The following REL variants were observed in gnomAD, a reference collection of about 807,000 sequenced individuals.
The protein encoded by REL is REL proto-oncogene, NF-kB subunit, also known as proto-oncogene c-Rel.
Under a neutral mutation model 45.9 loss-of-function variants are expected in REL, and 15 were observed. The ratio of observed to expected loss-of-function variants is 0.33; its 90% CI spans 0.22 to 0.50. The LOEUF is 0.50. Ranked by LOEUF, REL falls within the 20% of genes least tolerant of loss-of-function variation. The probability of loss-of-function intolerance (pLI) is 0.98; values close to 1 mark genes in which losing one functional copy is unlikely to be tolerated. For missense variants in REL, 601 were observed against 715.2 expected (o/e 0.84, Z 1.82); for synonymous variants, 239 against 242.1 (o/e 0.99, Z 0.12).
At chr2:60,906,575 CA>C (rs1673656242) in intron 4 of REL, among the ~76,000 whole-genome samples, 1 of 152,140 alleles carries the variant, frequency 6.6e-6, no homozygotes, top group Admixed American at 6.6e-5. Context: ...TTCTGTACCT[CA>C]GCTTCCTACC....
intron 3 of REL, among the ~76,000 whole-genome samples, chr2:60,898,196 C>CT (rs1673404229): frequency 6.6e-6 from 1 of 152,214 alleles, no homozygotes; most frequent in South Asian, 2.1e-4. Flanking sequence ...TCCAAACCCT[C>CT]TATCTTTCCT....
At chr2:60,897,136 TTA>T (rs1272741486) in intron 3 of REL, among the ~76,000 whole-genome samples, 30 of 152,202 alleles carry the variant, frequency 2.0e-4, no homozygotes, top group South Asian at 8.3e-4. Flanking sequence ...ATTTAATATA[TTA>T]TAGTTATTCT....
Position 60,922,663 on chromosome 2 carries a change from T to C in REL, c.*128T>C, listed in dbSNP as rs2103991048. 1 of 1,313,784 alleles carries C rather than the reference T, an allele frequency of 7.6e-7. No homozygotes were observed. The highest frequency in any genetic ancestry group is 9.7e-7 in the Non-Finnish European group (1 of 1,030,470). 81.4% of individuals were successfully genotyped at this position (1,313,784 alleles called of 1,614,324 possible). The stretch of plus-strand genomic sequence containing the variant: ...ATAATACTGACTGAGAATATAATAC[T>C]GTATTTGAGAATATAAAAAACTTTT... On this transcript the variant is annotated 3_prime_UTR_variant, in exon 10 of 10. Transcript: ENST00000394479.
intron 2 of REL, among the ~76,000 whole-genome samples, chr2:60,893,429 T>C (rs770902330): frequency 6.6e-6 from 1 of 152,180 alleles, no homozygotes; most frequent in African/African-American, 2.4e-5. Flanking sequence ...AAAAAGGAAA[T>C]AAGGAAATAC....
intron 5 of REL, among the ~76,000 whole-genome samples, chr2:60,917,703 T>TGTAC (rs1674017746): frequency 6.7e-6 from 1 of 150,214 alleles, no homozygotes; most frequent in East Asian, 1.9e-4. Context: ...TGTGTGTGTG[T>TGTAC]GTGTGTGTGT....
chr2:60,901,146 TTCTC>T (rs879252170), intron 4 of REL, 63 bp downstream of exon 4: 1 of 1,324,822 alleles, frequency 7.5e-7, no homozygotes, highest in Non-Finnish European at 9.7e-7. Context: ...TCTTTTTTCT[TTCTC>T]TTTTTTTTTT....
At position 60,920,024 on chromosome 2, in the gene REL, G is replaced by A. The variant is rs773318341; in HGVS notation, c.854-17G>A. 1.3e-6 allele frequency: 2 copies of A among 1,559,864 alleles called. No individual in the cohort carries two copies. The highest frequency in any genetic ancestry group is 1.4e-5 in the African/African-American group (1 of 72,718). On this transcript the variant is annotated splice_polypyrimidine_tract_variant and intron_variant, in intron 7 of 9. Coordinates refer to ENST00000394479, the MANE Select transcript of REL (RefSeq NM_001291746.2). Reference sequence around the variant, plus strand: ...CCTATAATTTTTTATCTGCTTTCCTGGTTTCTTTCTAATCAGATACTTACG... The same window carrying A: ...CCTATAATTTTTTATCTGCTTTCCTAGTTTCTTTCTAATCAGATACTTACG...
At chr2:60,917,094 A>T in intron 5 of REL, 77 bp downstream of exon 5, 2 of 1,275,066 alleles carry the variant, frequency 1.6e-6, no homozygotes, top group Non-Finnish European at 1.1e-6. Context: ...TTATTTTGGT[A>T]ATTAGGAAAA....
rs1674370939 is a variant in REL at position 60,930,921 on chromosome 2, G to A, written c.*8386G>A. 6.6e-6 allele frequency: 1 copy of A among 152,312 alleles called. No homozygotes were observed. The highest frequency in any genetic ancestry group is 2.4e-5 in the African/African-American group (1 of 41,446). The allele number at this position is 152,312 out of a possible 1,614,324, so 9.4% of individuals were successfully genotyped here. A position where few individuals can be genotyped will look rare whatever the true frequency, so the allele number is the denominator to read the frequency against. ...TACACAGTAATTAGTACAGCATGTT[G>A]CTTCTTCAACAAATTGAGTTTTCAG... On this transcript the variant is annotated 3_prime_UTR_variant, in exon 10 of 10. Coordinates refer to ENST00000394479, the MANE Select transcript of REL (RefSeq NM_001291746.2).
rs895345770 is a variant in REL, at chr2:60,930,143, A to G, written c.*7608A>G. On this transcript the variant is annotated 3_prime_UTR_variant, in exon 10 of 10. Coordinates refer to ENST00000394479, the MANE Select transcript of REL (RefSeq NM_001291746.2). ...GGGACTTTTTACTCAGGTAATACCC[A>G]GCCTGCTACCTAACAGGTTGTGTTG... is the stretch of plus-strand genomic sequence containing the variant. 3.9e-4 allele frequency: 59 copies of G among 152,322 alleles called. No individual in the cohort carries two copies. The highest frequency in any genetic ancestry group is 1.4e-3 in the African/African-American group (58 of 41,480). 9.4% of individuals were successfully genotyped at this position (152,322 alleles called of 1,614,324 possible).
intron 5 of REL, among the ~76,000 whole-genome samples, chr2:60,917,551 A>T: frequency 8.1e-6 from 1 of 124,050 alleles, no homozygotes; most frequent in Non-Finnish European, 1.6e-5. Context: ...TTTTTTGGAG[A>T]CAGGGTCTCA....
chr2:60,908,169 T>C (rs994800032), intron 4 of REL, among the ~76,000 whole-genome samples: 1 of 152,220 alleles, frequency 6.6e-6, no homozygotes, highest in Non-Finnish European at 1.5e-5. Context: ...TCAGGAATTT[T>C]CTTAAAATAT....
At chr2:60,906,921 T>A (rs1673675818) in intron 4 of REL, among the ~76,000 whole-genome samples, 1 of 141,160 alleles carries the variant, frequency 7.1e-6, no homozygotes, top group Admixed American at 7.1e-5. Flanking sequence ...ATATTTTTTT[T>A]TTTTTTTTCT....
rs535578482 is a variant in REL, at chr2:60,927,352, C to G, written c.*4817C>G. 7 of 232,012 alleles carry G rather than the reference C, an allele frequency of 3.0e-5. No homozygotes were observed. Among genetic ancestry groups the G allele is most frequent in the African/African-American group, 1.5e-4 (7 of 45,398 alleles). 14.4% of individuals were successfully genotyped at this position (232,012 alleles called of 1,614,324 possible). Reference sequence around the variant, plus strand: ...GTCTTGTGAAATAACACTTCTCTTCCTTGACCTGCTGCTTCCCTTTTTTAC... The same window carrying G: ...GTCTTGTGAAATAACACTTCTCTTCGTTGACCTGCTGCTTCCCTTTTTTAC... On this transcript the variant is annotated 3_prime_UTR_variant, in exon 10 of 10. Transcript: ENST00000394479.
chr2:60,896,065 T>C (rs960178583), intron 3 of REL, among the ~76,000 whole-genome samples: 1 of 152,014 alleles, frequency 6.6e-6, no homozygotes, highest in Non-Finnish European at 1.5e-5. Flanking sequence ...TGAAGTGGTG[T>C]GATTTCGGCT....
chr2:60,915,867 T>C lies in REL; in HGVS notation c.395-1010T>C, dbSNP rs538474707. Among the ~76,000 whole-genome samples, 34 of 152,340 alleles carry C rather than the reference T, an allele frequency of 2.2e-4. No homozygotes were observed. In the South Asian group the frequency reaches 7.0e-3, roughly 32 times the overall value. On this transcript the variant is annotated intron_variant, in intron 4 of 9. Coordinates refer to ENST00000394479, the MANE Select transcript of REL (RefSeq NM_001291746.2). The stretch of plus-strand genomic sequence containing the variant: ...ACTGTAAAATTTTTAATTAAAACAT[T>C]TTTTAAGTTTGCACGTAAAATTTCT...
chr2:60,912,019 A>G (rs1214709248), intron 4 of REL, among the ~76,000 whole-genome samples: 1 of 150,084 alleles, frequency 6.7e-6, no homozygotes, highest in Non-Finnish European at 1.5e-5. Flanking sequence ...AAAAAAAAAA[A>G]GTCATTTTCC....
intron 3 of REL, chr2:60,899,827 C>T (rs573095485): frequency 2.0e-5 from 3 of 152,374 alleles, no homozygotes; most frequent in African/African-American, 7.2e-5. Flanking sequence ...GTATTTGTAG[C>T]TATTGGGAAG....
rs1674381906 is a variant in REL at position 60,931,567 on chromosome 2, A to G, written c.*9032A>G. On this transcript the variant is annotated 3_prime_UTR_variant, in exon 10 of 10. Transcript: ENST00000394479. ...TTTATTACATTTGCAATATCTTTGTATATAGTGATTTTTTTCTTGATAATA... is the reference window on the plus strand; with the variant it reads ...TTTATTACATTTGCAATATCTTTGTGTATAGTGATTTTTTTCTTGATAATA... The G allele has an allele frequency of 6.6e-6, 1 of 152,224 alleles. No individual in the cohort carries two copies. The highest frequency in any genetic ancestry group is 2.1e-4 in the South Asian group (1 of 4,836). 9.4% of individuals were successfully genotyped at this position (152,224 alleles called of 1,614,324 possible).
Sources: allele counts gnomAD v4.1 joint callset (sites outside exome capture counted in the v4.1 genomes callset), GRCh38; gene constraint gnomAD v4.1.1; transcripts MANE v1.5; gene names NCBI Gene and HGNC (gene_info 2026-07-23, HGNC 2026-07-21).